Variants in DMD observed in about 807,000 individuals in gnomAD.
DMD encodes the protein mutant dystrophin.
Under a neutral mutation model 330.1 loss-of-function variants are expected in DMD, and 63 were observed. The ratio of observed to expected loss-of-function variants is 0.19; its 90% CI spans 0.16 to 0.24. The LOEUF (loss-of-function observed/expected upper bound fraction) is 0.24, where lower values mean the gene tolerates loss of function less well. Among genes scored for constraint, DMD ranks in the 10% least tolerant of loss-of-function variants. The pLI is 1.00. For synonymous variants in DMD, 1,223 were observed against 959.8 expected (o/e 1.27, Z -5.07); for missense variants, 3,344 against 2,684.1 (o/e 1.25, Z -5.43).
At chrX:31,831,667 C>T (rs2093035708) in intron 49 of DMD, among the ~76,000 whole-genome samples, 1 of 111,365 alleles carries the variant, frequency 9.0e-6, no homozygotes, top group Non-Finnish European at 1.9e-5. Context: ...GGCGTGATCT[C>T]AGCTCACTGC....
intron 61 of DMD, among the ~76,000 whole-genome samples, chrX:31,345,190 G>A (rs1364461715): frequency 8.9e-6 from 1 of 111,883 alleles, no homozygotes; most frequent in African/African-American, 3.3e-5. Context: ...TGACTTCCGG[G>A]GCTGGCTCCA....
At chrX:32,300,921 A>G (rs1431876551) in intron 42 of DMD, among the ~76,000 whole-genome samples, 2 of 111,093 alleles carry the variant, frequency 1.8e-5, no homozygotes, top group East Asian at 2.8e-4. Flanking sequence ...TTCTATTTAC[A>G]TATGCAATCA....
At chrX:32,992,233 C>A (rs934605934) in intron 2 of DMD, among the ~76,000 whole-genome samples, 1 of 111,441 alleles carries the variant, frequency 9.0e-6, no homozygotes, top group African/African-American at 3.3e-5. Flanking sequence ...ATTTGTAATC[C>A]AAGCAGCAGT....
intron 1 of DMD, among the ~76,000 whole-genome samples, chrX:33,077,591 A>G (rs1222542346): frequency 4.5e-5 from 5 of 111,814 alleles, no homozygotes; most frequent in African/African-American, 1.6e-4. Flanking sequence ...GAGTGGATTC[A>G]TGCAGGCCTA....
chrX:32,964,255 C>CAAAAAAAAAAAAAAAAAAAAAAA (rs781702491), intron 2 of DMD, among the ~76,000 whole-genome samples: 10 of 35,186 alleles, frequency 2.8e-4, no homozygotes, highest in East Asian at 1.0e-3. Flanking sequence ...GACTCCATCT[C>CAAAAAAAAAAAAAAAAAAAAAAA]AAAAAAAAAA....
chrX:32,361,888 T>C (rs1387673236), intron 37 of DMD, among the ~76,000 whole-genome samples: 4 of 111,704 alleles, frequency 3.6e-5, no homozygotes, highest in Non-Finnish European at 7.5e-5. Context: ...TGATTTTATA[T>C]ACATTTTTAT....
chrX:31,280,636 C>G (rs907698863), intron 62 of DMD, among the ~76,000 whole-genome samples: 1 of 111,811 alleles, frequency 8.9e-6, no homozygotes, highest in Non-Finnish European at 1.9e-5. Context: ...TTTAAAAAAG[C>G]GTTTGCCCTA....
intron 42 of DMD, among the ~76,000 whole-genome samples, chrX:32,297,767 T>TG (rs1001136048): frequency 1.8e-5 from 2 of 111,033 alleles, no homozygotes; most frequent in South Asian, 3.8e-4. Flanking sequence ...AAGGATAAAG[T>TG]GGGGGTCAGA....
intron 44 of DMD, among the ~76,000 whole-genome samples, chrX:32,129,478 A>G (rs747926622): frequency 9.0e-6 from 1 of 111,120 alleles, no homozygotes; most frequent in Non-Finnish European, 1.9e-5. Context: ...CCTACAATGT[A>G]ATACCAGCTT....
At chrX:31,936,869 C>T (rs1011284954) in intron 45 of DMD, among the ~76,000 whole-genome samples, 1 of 110,846 alleles carries the variant, frequency 9.0e-6, no homozygotes, top group African/African-American at 3.3e-5. Flanking sequence ...ATTTTTTCCC[C>T]CAGCACCATC....
At chrX:31,664,942 C>T (rs773658315) in intron 53 of DMD, among the ~76,000 whole-genome samples, 3 of 110,757 alleles carry the variant, frequency 2.7e-5, no homozygotes, top group African/African-American at 6.6e-5. Context: ...ATTACAAGGC[C>T]CTCGAATATA....
chrX:31,944,252 C>T (rs2095051918), intron 45 of DMD, among the ~76,000 whole-genome samples: 1 of 111,167 alleles, frequency 9.0e-6, no homozygotes, highest in Admixed American at 9.6e-5. Flanking sequence ...TCAGAGGCTA[C>T]ATGATGCGAG....
chrX:31,831,659 C>T (rs768264932), intron 49 of DMD, among the ~76,000 whole-genome samples: 17 of 111,188 alleles, frequency 1.5e-4, no homozygotes, highest in South Asian at 1.1e-3. Flanking sequence ...AGTGCAGTGG[C>T]GTGATCTCAG....
chrX:33,063,906 T>C (rs1420458835), intron 1 of DMD, among the ~76,000 whole-genome samples: 1 of 112,008 alleles, frequency 8.9e-6, no homozygotes, highest in Non-Finnish European at 1.9e-5. Context: ...CTAGCACTTG[T>C]TCCCTGTACC....
chrX:33,198,199 G>A (rs955756383), intron 1 of DMD, among the ~76,000 whole-genome samples: 4 of 110,654 alleles, frequency 3.6e-5, no homozygotes, highest in Non-Finnish European at 7.6e-5. Flanking sequence ...ATCTTTTTAT[G>A]CATTTCTTTA....
At chrX:32,925,161 T>C (rs1425288826) in intron 2 of DMD, among the ~76,000 whole-genome samples, 1 of 96,952 alleles carries the variant, frequency 1.0e-5, no homozygotes, top group Non-Finnish European at 2.0e-5. Flanking sequence ...TTTTTTTTTT[T>C]TTTTTTTTTT....
intron 1 of DMD, among the ~76,000 whole-genome samples, chrX:33,236,060 C>T (rs1157367429): frequency 1.9e-5 from 2 of 103,955 alleles, no homozygotes; most frequent in African/African-American, 3.5e-5. Flanking sequence ...GGACCACAGG[C>T]ACCTGCCACC....
At chrX:32,797,813 A>C (rs907949836) in intron 7 of DMD, among the ~76,000 whole-genome samples, 2 of 111,793 alleles carry the variant, frequency 1.8e-5, no homozygotes, top group Non-Finnish European at 3.8e-5. Flanking sequence ...TGTAATTAAA[A>C]AAAAAAAGTT....
rs201261580 is a variant in DMD at position 31,604,320 on chromosome X, A to AT, written c.8217+23352dup. On this transcript the variant is annotated intron_variant, in intron 55 of 78. Transcript: ENST00000357033. ...TTAAAATGGCTATCTCCATGGGCTT[A>AT]TTTTTTTTTTCTCATCTGATAAGTG... Among the ~76,000 whole-genome samples the AT allele has an allele frequency of 2.2e-3, 235 of 108,621 alleles. 1 individual carries two copies. Among genetic ancestry groups the AT allele is most frequent in the African/African-American group, 6.8e-3 (203 of 29,997 alleles). The allele number at this position is 108,621 out of a possible 115,157, so 94.3% of individuals were successfully genotyped here.
Sources: gnomAD v4.1 joint callset for allele counts (sites outside exome capture counted in the v4.1 genomes callset) on GRCh38, gnomAD v4.1.1 for gene constraint, MANE v1.5 for transcripts, NCBI Gene and HGNC (gene_info 2026-07-23, HGNC 2026-07-21) for gene names.